Variants in GRAMD4 observed in about 807,000 individuals in gnomAD.
The protein encoded by GRAMD4 is GRAM domain-containing protein 4.
Under a neutral mutation model 83.9 loss-of-function variants are expected in GRAMD4, and 25 were observed. The ratio of observed to expected loss-of-function variants is 0.30; its 90% CI spans 0.22 to 0.42. GRAMD4 has a LOEUF of 0.42. Ranked by LOEUF, GRAMD4 falls within the 10% of genes least tolerant of loss-of-function variation. The probability of loss-of-function intolerance (pLI) is 1.00; values close to 1 mark genes in which losing one functional copy is unlikely to be tolerated. For synonymous variants in GRAMD4, 336 were observed against 320.9 expected, an observed-to-expected ratio of 1.05 and a Z score of -0.50; for missense variants, 593 against 788.7, an observed-to-expected ratio of 0.75 and a Z score of 2.97.
upstream of GRAMD4, among the ~76,000 whole-genome samples, chr22:46,618,574 G>A (rs549028049): frequency 7.7e-4 from 117 of 152,264 alleles, no homozygotes; most frequent in Non-Finnish European, 1.5e-3. This position sits in a 1 kb window ranked among gnomAD's most constrained non-coding sequence, Gnocchi z 5.8. Context: ...ACCCGGGTGC[G>A]TGGAAGCCCC....
intron 1 of GRAMD4, chr22:46,577,412 C>CCGCCGCCGG: frequency 2.0e-6 from 1 of 494,516 alleles, no homozygotes; most frequent in Non-Finnish European, 2.6e-6. Flanking sequence ...GCCGCCGCCG[C>CCGCCGCCGG]CGCCCGGGCC....
rs763263700 is a variant in GRAMD4 at position 46,637,889 on chromosome 22, G to T, written c.212G>T (p.Arg71Leu). ...IMATGVQDFN[R>L]TEFDRLNEIK... ...GCCACAGGAGTCCAGGACTTTAACC[G>T]GACAGAGTTTGATCGACTGAATGAG... The change falls in exon 3 of 19, where the codon CGG (arginine) becomes CTG (leucine). Residue 71 changes from arginine (R) to leucine (L), a missense_variant. By Grantham distance (102) the Arg-to-Leu change is moderately radical (BLOSUM62 -2). Around this residue, in one of 4 missense-constraint regions of GRAMD4, gnomAD observed 312 missense variants for 350.7 expected, o/e 0.89. Transcript: ENST00000406902. 1 of 1,613,906 alleles carries T rather than the reference G, an allele frequency of 6.2e-7. No homozygotes were observed. The highest frequency in any genetic ancestry group is 1.3e-5 in the African/African-American group (1 of 75,064).
chr22:46,626,073 C>T (rs546964738), intron 1 of GRAMD4, among the ~76,000 whole-genome samples: 3 of 152,326 alleles, frequency 2.0e-5, no homozygotes, highest in South Asian at 4.1e-4. Flanking sequence ...AGAGTATGAG[C>T]CTGGTCGCAT....
chr22:46,621,554 G>A lies in GRAMD4; in HGVS notation c.-50+989G>A, dbSNP rs1472626594. On this transcript the variant is annotated intron_variant, in intron 1 of 18. Transcript: ENST00000406902. This position sits in a 1 kb window ranked among gnomAD's most constrained non-coding sequence, Gnocchi z 5.8. ...CCCGGTGCAGGCGCAGGCTGGAGGC[G>A]TAGCCCGGGCCCATCCCTGGCGGTG... 4.6e-5 allele frequency among the ~76,000 whole-genome samples: 5 copies of A among 109,440 alleles called. No homozygotes were observed. The highest frequency in any genetic ancestry group is 9.5e-5 in the Non-Finnish European group (5 of 52,630). The allele number at this position is 109,440 out of a possible 152,430, so 71.8% of individuals were successfully genotyped here. A position where few individuals can be genotyped will look rare whatever the true frequency, so the allele number is the denominator to read the frequency against.
chr22:46,679,935 G>A (rs1376371722), downstream of GRAMD4: 1 of 205,648 alleles, frequency 4.9e-6, no homozygotes. Context: ...TTTGGGTACT[G>A]ATGCGGCCTG....
chr22:46,579,079 C>T (rs770088537), intron 1 of GRAMD4, among the ~76,000 whole-genome samples: 1 of 152,232 alleles, frequency 6.6e-6, no homozygotes, highest in Non-Finnish European at 1.5e-5. Flanking sequence ...GGGGCCTGTC[C>T]GGTGATGTCT....
At chr22:46,576,904 C>A (rs932318911), upstream of GRAMD4, among the ~76,000 whole-genome samples, 2 of 146,236 alleles carry the variant, frequency 1.4e-5, no homozygotes, top group Admixed American at 6.8e-5. Flanking sequence ...ACGTGGCCAC[C>A]CAAACAAAGG....
chr22:46,609,479 G>A (rs1601552802), intron 1 of GRAMD4, among the ~76,000 whole-genome samples: 1 of 152,238 alleles, frequency 6.6e-6, no homozygotes, highest in Admixed American at 6.5e-5. Context: ...GTGGTTTGGA[G>A]GTACACAAAG....
chr22:46,625,984 A>G (rs938249559), intron 1 of GRAMD4, among the ~76,000 whole-genome samples: 3 of 152,232 alleles, frequency 2.0e-5, no homozygotes, highest in African/African-American at 7.2e-5. Flanking sequence ...CTGGGACAGG[A>G]GGCCCAGCTG....
intron 1 of GRAMD4, among the ~76,000 whole-genome samples, chr22:46,623,785 T>C (rs1036128075): frequency 3.7e-5 from 5 of 135,252 alleles, no homozygotes; most frequent in Admixed American, 2.2e-4. Flanking sequence ...TCAAGCTGCC[T>C]TTTTTTTTTT....
rs1437460173 is a variant in GRAMD4, at chr22:46,677,545, G to C, written c.*294G>C. On this transcript the variant is annotated 3_prime_UTR_variant, in exon 19 of 19. Transcript: ENST00000406902. ...CGGGGGCCCGTGGAGAAGACACACA[G>C]GACCCCTGGCCCTGCCCTTCTCCGT... 1 of 1,176,720 alleles carries C rather than the reference G, an allele frequency of 8.5e-7. No homozygotes were observed. The highest frequency in any genetic ancestry group is 1.1e-6 in the Non-Finnish European group (1 of 946,386). 72.9% of individuals were successfully genotyped at this position (1,176,720 alleles called of 1,614,324 possible). A position where few individuals can be genotyped will look rare whatever the true frequency, so the allele number is the denominator to read the frequency against.
chr22:46,656,840 C>T (rs189145993), intron 3 of GRAMD4, among the ~76,000 whole-genome samples: 3 of 152,348 alleles, frequency 2.0e-5, no homozygotes, highest in East Asian at 1.9e-4. Context: ...TCAGCGTGTC[C>T]GCCCCATGGT....
intron 2 of GRAMD4, among the ~76,000 whole-genome samples, chr22:46,627,628 C>G (rs749433589): frequency 5.9e-5 from 9 of 152,200 alleles, no homozygotes; most frequent in Non-Finnish European, 1.2e-4. Flanking sequence ...CCAGCATGGC[C>G]TCTAGCTCCT....
chr22:46,602,074 T>C (rs1397990493), intron 1 of GRAMD4, among the ~76,000 whole-genome samples: 1 of 152,196 alleles, frequency 6.6e-6, no homozygotes, highest in African/African-American at 2.4e-5. Context: ...CTCTCCATGG[T>C]GGTGCACGGG....
chr22:46,676,819 C>T (rs1295493712), intron 18 of GRAMD4, 151 bp downstream of exon 18: 4 of 744,248 alleles, frequency 5.4e-6, no homozygotes, highest in Middle Eastern at 7.5e-4. Context: ...GCAGCTAGAG[C>T]CTGGGGCTGC....
Position 46,663,821 on chromosome 22 carries a change from C to T in GRAMD4, c.600-17C>T. The T allele has an allele frequency of 6.2e-7, 1 of 1,612,952 alleles. No homozygotes were observed. On this transcript the variant is annotated splice_polypyrimidine_tract_variant and intron_variant, in intron 6 of 18. Coordinates refer to ENST00000406902, the MANE Select transcript of GRAMD4 (RefSeq NM_015124.5). ...GTGCATTAACCCTGGGCTCCCATCT[C>T]TCCCCTTCTCTCTTAGGTTAACTGA...
Position 46,658,255 on chromosome 22 carries a change from C to A in GRAMD4, c.352C>A (p.Arg118=). 6.2e-7 allele frequency: 1 copy of A among 1,613,352 alleles called. No homozygotes were observed. The highest frequency in any genetic ancestry group is 8.5e-7 in the Non-Finnish European group (1 of 1,179,826). ...EMLRQELDRE[R]QRRMELEQKV... is the part of the protein sequence containing the mutation. The stretch of plus-strand genomic sequence containing the variant: ...GCTGCGGCAGGAGCTGGACCGCGAG[C>A]GGCAGCGGCGGATGGAGCTGGAGCA... The change falls in exon 4 of 19, where the codon CGG becomes AGG. Residue 118 remains arginine, a synonymous_variant. Coordinates refer to ENST00000406902, the MANE Select transcript of GRAMD4 (RefSeq NM_015124.5).
chr22:46,655,732 C>T (rs1251145064), intron 3 of GRAMD4, among the ~76,000 whole-genome samples: 1 of 152,214 alleles, frequency 6.6e-6, no homozygotes, highest in South Asian at 2.1e-4. Flanking sequence ...CGGGCTGGAC[C>T]CTGCCCCTAA....
At chr22:46,586,455 C>A (rs1202456748) in intron 1 of GRAMD4, among the ~76,000 whole-genome samples, 1 of 151,938 alleles carries the variant, frequency 6.6e-6, no homozygotes, top group African/African-American at 2.4e-5. Flanking sequence ...CAGCCCAGGG[C>A]TCCCTGGCTC....
Sources: gnomAD v4.1 joint callset for allele counts (sites outside exome capture counted in the v4.1 genomes callset) on GRCh38, gnomAD v4.1.1 for gene constraint, gnomAD v4.1.1 regional missense constraint, Gnocchi (gnomAD v3.1) non-coding constraint, MANE v1.5 for transcripts, NCBI Gene and HGNC (gene_info 2026-07-23, HGNC 2026-07-21) for gene names.